Variants in TMPRSS3 observed in about 807,000 individuals in gnomAD.
TMPRSS3 encodes the protein transmembrane serine protease 3.
In TMPRSS3, 55 loss-of-function variants were observed where a neutral mutation model predicts 59.6. That is an observed-to-expected ratio of 0.92 (90% CI 0.74 to 1.16). TMPRSS3 has a LOEUF of 1.16. Among genes scored for constraint, TMPRSS3 ranks in the 50% most tolerant of loss-of-function variants. The pLI is 0.00. For synonymous variants in TMPRSS3, 257 were observed against 237.7 expected, an observed-to-expected ratio of 1.08 and a Z score of -0.75; for missense variants, 596 against 579.4, an observed-to-expected ratio of 1.03 and a Z score of -0.29.
chr21:42,383,338 C>T (rs2052568685), intron 7 of TMPRSS3, 140 bp from the exon 8 acceptor site: 3 of 905,816 alleles, frequency 3.3e-6, no homozygotes, highest in Non-Finnish European at 3.4e-6. Flanking sequence ...AAGACAAGTG[C>T]TGCAAGGGGG....
At chr21:42,382,615 T>C (rs899967994) in intron 8 of TMPRSS3, 9 of 390,962 alleles carry the variant, frequency 2.3e-5, no homozygotes, top group African/African-American at 1.8e-4. Context: ...TCTTGCACTC[T>C]AAACTCCTGA....
chr21:42,383,791 C>G (rs937717301), intron 7 of TMPRSS3, 179 bp downstream of exon 7: 10 of 740,804 alleles, frequency 1.3e-5, no homozygotes, highest in Middle Eastern at 2.3e-4. Flanking sequence ...CAGGTGAGGC[C>G]GACAGGTGAG....
intron 10 of TMPRSS3, among the ~76,000 whole-genome samples, chr21:42,378,870 TTTTG>T (rs3082133): frequency 0.15 from 22,204 of 148,472 alleles, 1,941 homozygotes; most frequent in East Asian, 0.31. Context: ...TCAGGCTAAT[TTTTG>T]TTTGTTTGTT....
At chr21:42,390,595 G>A (rs914254785) in intron 2 of TMPRSS3, among the ~76,000 whole-genome samples, 10 of 152,114 alleles carry the variant, frequency 6.6e-5, no homozygotes, top group Admixed American at 6.5e-5. Context: ...GGGCATGATG[G>A]CAGGCACCTG....
chr21:42,381,919 C>A (rs2052536013), intron 9 of TMPRSS3, 146 bp downstream of exon 9: 1 of 1,042,180 alleles, frequency 9.6e-7, no homozygotes, highest in African/African-American at 1.6e-5. Context: ...TCAACTGATG[C>A]CAACACCAAC....
At position 42,380,117 on chromosome 21, in the gene TMPRSS3, C is replaced by T. The variant is rs377604843; in HGVS notation, c.1048G>A (p.Gly350Ser). 3.7e-6 allele frequency: 6 copies of T among 1,613,450 alleles called. No homozygotes were observed. In the African/African-American group the frequency reaches 8.0e-5, roughly 22 times the overall value. The change falls in exon 10 of 13, where the codon GGT becomes AGT. Residue 350 changes from glycine to serine, a missense_variant and splice_region_variant. Transcript: ENST00000644384. The stretch of plus-strand genomic sequence containing the variant: ...CGAATCTTGGCTTCAGCCCACTGAC[C>T]TCCATCCTCTGTGGCCCCCCATCCT... ...TSGWGATEDGGDASPVLNHAA... is the reference protein window; with the variant it reads ...TSGWGATEDGSDASPVLNHAA...
rs527404250 is a variant in TMPRSS3, at chr21:42,377,731, C to A, written c.1049-1048G>T. On this transcript the variant is annotated intron_variant, in intron 10 of 12. Coordinates refer to ENST00000644384, the MANE Select transcript of TMPRSS3 (RefSeq NM_001256317.3). ...ACAACAAAATCACACAATGACAGGA[C>A]CCTGAGGGGCTGCTCTGAGGAGCAC... is the stretch of plus-strand genomic sequence containing the variant. Among the ~76,000 whole-genome samples the A allele has an allele frequency of 3.9e-5, 6 of 152,320 alleles. No homozygotes were observed. The South Asian group carries it at 1.2e-3, about 32-fold the overall frequency.
chr21:42,376,418 C>G (rs1251173856), intron 11 of TMPRSS3, 123 bp downstream of exon 11: 1 of 1,399,942 alleles, frequency 7.1e-7, no homozygotes, highest in Non-Finnish European at 9.8e-7. Flanking sequence ...ATATCTTGAG[C>G]AAATTTCTTC....
chr21:42,387,892 T>C (rs144525988), intron 5 of TMPRSS3, among the ~76,000 whole-genome samples: 46 of 152,338 alleles, frequency 3.0e-4, no homozygotes, highest in Non-Finnish European at 1.0e-4. Flanking sequence ...AAGTGAATAG[T>C]CAACTGTTAT....
At position 42,388,420 on chromosome 21, in the gene TMPRSS3, G is replaced by T. The variant is rs1368614499; in HGVS notation, c.429C>A (p.Ala143=). ...WKGHYANVAC[A]QLGFPSYVSS... Reference sequence around the variant, plus strand: ...TAACTTACCTTGGGAAACCCAGTTGGGCACAGGCAACATTTGCGTAGTGAC... The same window carrying T: ...TAACTTACCTTGGGAAACCCAGTTGTGCACAGGCAACATTTGCGTAGTGAC... Residue 143 remains alanine, a synonymous_variant, in exon 5 of 13, where the codon GCC becomes GCA. Coordinates refer to ENST00000644384, the MANE Select transcript of TMPRSS3 (RefSeq NM_001256317.3). This position sits in a 1 kb window ranked among gnomAD's most constrained non-coding sequence, Gnocchi z 5.1. 12 of 1,614,202 alleles carry T rather than the reference G, an allele frequency of 7.4e-6. No homozygotes were observed. Among genetic ancestry groups the T allele is most frequent in the Non-Finnish European group, 1.0e-5 (12 of 1,180,044 alleles).
intron 12 of TMPRSS3, among the ~76,000 whole-genome samples, chr21:42,374,406 G>C (rs1019070362): frequency 5.3e-5 from 8 of 152,262 alleles, no homozygotes; most frequent in Admixed American, 3.3e-4. Flanking sequence ...CCATTCTTTA[G>C]TTTCTCATTT....
chr21:42,380,351 G>A (rs1601520389), intron 9 of TMPRSS3, 139 bp from the exon 10 acceptor site: 6 of 744,084 alleles, frequency 8.1e-6, no homozygotes, highest in Non-Finnish European at 1.4e-5. Context: ...ACTTGAAAAC[G>A]ATCAGCTCAC....
intron 2 of TMPRSS3, 38 bp downstream of exon 2, chr21:42,395,286 G>A (rs2052787842): frequency 6.5e-7 from 1 of 1,550,234 alleles, no homozygotes; most frequent in Admixed American, 1.7e-5. Context: ...ATGAGGGTAT[G>A]GGCAGAAATC....
chr21:42,388,936 G>T lies in TMPRSS3; in HGVS notation c.315C>A (p.Tyr105Ter). Residue 105 changes from tyrosine to a stop codon, truncating the protein, a stop_gained, in exon 4 of 13, where the codon TAC becomes TAA. Transcript: ENST00000644384. LOFTEE classifies it high-confidence loss of function. The surrounding 1 kb of genome is among the most constrained non-coding windows in gnomAD (Gnocchi z 5.1). The part of the protein sequence containing the change: ...VSDCKDGEDE[Y>*]RCVRVGGQNA... ...GAAGAGCCATGACCTTACCACAGCG[G>T]TACTCGTCCTCCCCGTCTTTGCAAT... is the stretch of plus-strand genomic sequence containing the variant. 1 of 1,613,670 alleles carries T rather than the reference G, an allele frequency of 6.2e-7. No individual in the cohort carries two copies.
chr21:42,389,846 T>C, intron 3 of TMPRSS3, 81 bp downstream of exon 3: 1 of 1,090,012 alleles, frequency 9.2e-7, no homozygotes. Context: ...AGCAAAATGC[T>C]GGGATGAGAG....
In TMPRSS3 at chr21:42,372,678, C is replaced by T. The variant is rs2052355242; in HGVS notation, c.*84G>A. 6.9e-7 allele frequency: 1 copy of T among 1,440,706 alleles called. No individual in the cohort carries two copies. Among genetic ancestry groups the T allele is most frequent in the Non-Finnish European group, 9.8e-7 (1 of 1,022,174 alleles). The allele number at this position is 1,440,706 out of a possible 1,614,324, so 89.2% of individuals were successfully genotyped here. A position where few individuals can be genotyped will look rare whatever the true frequency, so the allele number is the denominator to read the frequency against. ...AGCTCCAAGGGTGTCTGCTCGTGTG[C>T]AGGTTCCTACACGGGAGTCCAGGGG... On this transcript the variant is annotated 3_prime_UTR_variant, in exon 13 of 13. Transcript: ENST00000644384.
At chr21:42,385,911 A>G (rs1311745290) in intron 5 of TMPRSS3, among the ~76,000 whole-genome samples, 1 of 152,150 alleles carries the variant, frequency 6.6e-6, no homozygotes, top group African/African-American at 2.4e-5. Flanking sequence ...GCACAAAACT[A>G]GGTGCAGTAT....
chr21:42,385,537 G>A lies in TMPRSS3; in HGVS notation c.447-3C>T. The A allele has an allele frequency of 6.2e-7, 1 of 1,614,056 alleles. No homozygotes were observed. The highest frequency in any genetic ancestry group is 8.5e-7 in the Non-Finnish European group (1 of 1,179,972). ...TGAGGTTATCTGAACTCACATAGCT[G>A]CAAGCACATTGGAAAGACAGACCCG... On this transcript the variant is annotated splice_region_variant and splice_polypyrimidine_tract_variant and intron_variant, in intron 5 of 12. Transcript: ENST00000644384.
At chr21:42,379,012 A>G (rs2052475261) in intron 10 of TMPRSS3, among the ~76,000 whole-genome samples, 1 of 152,114 alleles carries the variant, frequency 6.6e-6, no homozygotes, top group African/African-American at 2.4e-5. Flanking sequence ...AGTCTCCTGA[A>G]TAGCTGGGAT....
Sources: allele counts gnomAD v4.1 joint callset (sites outside exome capture counted in the v4.1 genomes callset), GRCh38; gene constraint gnomAD v4.1.1; non-coding constraint Gnocchi (gnomAD v3.1); transcripts MANE v1.5; gene names NCBI Gene and HGNC (gene_info 2026-07-23, HGNC 2026-07-21).